The following CNTNAP4 variants were observed in gnomAD, a reference collection of about 807,000 sequenced individuals.
CNTNAP4 encodes contactin-associated protein-like 4.
A neutral mutation model predicts 148.4 loss-of-function variants in CNTNAP4; 98 were observed. The observed-to-expected ratio is 0.66, with a 90% CI of 0.56 to 0.78. The LOEUF (loss-of-function observed/expected upper bound fraction) is 0.78. Among genes scored for constraint, CNTNAP4 ranks in the 30% least tolerant of loss-of-function variants. CNTNAP4 has a pLI of 0.00. For synonymous variants in CNTNAP4, 730 were observed against 565.1 expected (o/e 1.29, Z -4.14); for missense variants, 1,935 against 1,565.6 (o/e 1.24, Z -3.98).
At chr16:76,310,411 A>G (rs1960974689) in intron 1 of CNTNAP4, among the ~76,000 whole-genome samples, 1 of 152,172 alleles carries the variant, frequency 6.6e-6, no homozygotes, top group African/African-American at 2.4e-5. Flanking sequence ...TTTTAACTGG[A>G]TGGAAATTGT....
chr16:76,490,165 GA>G (rs2082162107), intron 13 of CNTNAP4, among the ~76,000 whole-genome samples: 1 of 152,142 alleles, frequency 6.6e-6, no homozygotes, highest in Non-Finnish European at 1.5e-5. Flanking sequence ...GCCTCCTTCT[GA>G]TACTCAGTGA....
chr16:76,466,810 G>A (rs1030146423), intron 9 of CNTNAP4, among the ~76,000 whole-genome samples: 2 of 152,086 alleles, frequency 1.3e-5, no homozygotes, highest in African/African-American at 4.8e-5. Context: ...AAATCCTTGT[G>A]TATGTGGTTC....
intron 3 of CNTNAP4, among the ~76,000 whole-genome samples, chr16:76,421,701 C>A (rs952549655): frequency 3.3e-5 from 5 of 151,996 alleles, no homozygotes; most frequent in Admixed American, 1.3e-4. Context: ...CTGACTATGT[C>A]AAAATGAATT....
chr16:76,379,329 C>G (rs1178740846), intron 3 of CNTNAP4, among the ~76,000 whole-genome samples: 1 of 152,188 alleles, frequency 6.6e-6, no homozygotes, highest in Non-Finnish European at 1.5e-5. Context: ...TACCCCACCT[C>G]CCTACAATCT....
At position 76,490,481 on chromosome 16, in the gene CNTNAP4, C is replaced by T. The variant is rs556554382; in HGVS notation, c.2080+598C>T. 2.6e-5 allele frequency among the ~76,000 whole-genome samples: 4 copies of T among 151,962 alleles called. No homozygotes were observed. In the South Asian group the frequency reaches 8.3e-4, roughly 32 times the overall value. ...CTTTCTTTAGGGCATCTCATTATGT[C>T]AGAGCCTCTGTTTCCACCACATCTG... is the stretch of plus-strand genomic sequence containing the variant. On this transcript the variant is annotated intron_variant, in intron 13 of 23. Transcript: ENST00000611870.
intron 17 of CNTNAP4, among the ~76,000 whole-genome samples, chr16:76,533,692 A>C (rs1339653429): frequency 6.6e-6 from 1 of 152,038 alleles, no homozygotes. Flanking sequence ...AAAAAATGGC[A>C]GAAGTAAATG....
At chr16:76,307,774 T>C (rs997315080) in intron 1 of CNTNAP4, among the ~76,000 whole-genome samples, 3 of 152,280 alleles carry the variant, frequency 2.0e-5, no homozygotes, top group Admixed American at 1.3e-4. Context: ...ATAGTTGCTA[T>C]TAAACCTCTA....
intron 3 of CNTNAP4, among the ~76,000 whole-genome samples, chr16:76,425,519 G>C (rs1304267453): frequency 6.6e-6 from 1 of 152,088 alleles, no homozygotes; most frequent in Non-Finnish European, 1.5e-5. Flanking sequence ...TAAACAGGCA[G>C]ATAATGATCA....
At chr16:76,535,458 C>G in intron 17 of CNTNAP4, 87 bp from the exon 18 acceptor site, 2 of 1,422,782 alleles carry the variant, frequency 1.4e-6, no homozygotes, top group East Asian at 2.3e-5. Context: ...TTTTGCCGTT[C>G]TCTGTAAGGC....
chr16:76,560,544 G>C lies in CNTNAP4; in HGVS notation c.*1861G>C, dbSNP rs1249869728. Among the ~76,000 whole-genome samples, 1 of 152,160 alleles carries C rather than the reference G, an allele frequency of 6.6e-6. No individual in the cohort carries two copies. Among genetic ancestry groups the C allele is most frequent in the African/African-American group, 2.4e-5 (1 of 41,446 alleles). On this transcript the variant is annotated 3_prime_UTR_variant, in exon 24 of 24. Coordinates refer to ENST00000611870, the MANE Select transcript of CNTNAP4 (RefSeq NM_033401.5). ...TCATTATATCTCTGAATCTTTTGCA[G>C]ATGTTCATGTTATTTAGTAGCGGTA...
At chr16:76,522,916 C>G (rs1370286081) in intron 17 of CNTNAP4, among the ~76,000 whole-genome samples, 1 of 151,580 alleles carries the variant, frequency 6.6e-6, no homozygotes, top group Non-Finnish European at 1.5e-5. Context: ...GTACCTACCA[C>G]TACGCCTGGC....
chr16:76,434,714 T>C (rs972274565), intron 4 of CNTNAP4, among the ~76,000 whole-genome samples: 2 of 152,214 alleles, frequency 1.3e-5, no homozygotes, highest in Non-Finnish European at 2.9e-5. Flanking sequence ...GGCTTCCATT[T>C]GGCCTTTCCC....
At chr16:76,356,520 T>G (rs1276143730) in intron 3 of CNTNAP4, among the ~76,000 whole-genome samples, 1 of 152,172 alleles carries the variant, frequency 6.6e-6, no homozygotes, top group Non-Finnish European at 1.5e-5. Flanking sequence ...TATAAACACC[T>G]GATGGAAGAA....
At chr16:76,379,880 C>A (rs1490949703) in intron 3 of CNTNAP4, among the ~76,000 whole-genome samples, 2 of 152,178 alleles carry the variant, frequency 1.3e-5, no homozygotes, top group Admixed American at 1.3e-4. Context: ...GATTTCTCTA[C>A]TCTTAAGTTC....
chr16:76,354,210 T>C lies in CNTNAP4; in HGVS notation c.197-1108T>C, dbSNP rs529974452. ...AAACCCTATTTCGTAACTTTTACAA[T>C]GATTATATGTTACTTACATAATCAG... On this transcript the variant is annotated intron_variant, in intron 2 of 23. Coordinates refer to ENST00000611870, the MANE Select transcript of CNTNAP4 (RefSeq NM_033401.5). Among the ~76,000 whole-genome samples the C allele has an allele frequency of 2.6e-5, 4 of 152,322 alleles. No homozygotes were observed. The East Asian group carries it at 7.7e-4, about 29-fold the overall frequency.
chr16:76,438,864 C>G (rs1000946050), intron 4 of CNTNAP4, among the ~76,000 whole-genome samples: 1 of 152,158 alleles, frequency 6.6e-6, no homozygotes. Context: ...GTTCAAAACT[C>G]TCCTGTAACC....
chr16:76,446,802 G>A (rs777358483), intron 4 of CNTNAP4, among the ~76,000 whole-genome samples: 2 of 152,152 alleles, frequency 1.3e-5, no homozygotes, highest in Non-Finnish European at 2.9e-5. Flanking sequence ...TCTATGCTAT[G>A]TGTGTATATT....
chr16:76,534,309 G>A (rs1474224907), intron 17 of CNTNAP4, among the ~76,000 whole-genome samples: 1 of 152,164 alleles, frequency 6.6e-6, no homozygotes, highest in African/African-American at 2.4e-5. Context: ...TTGAATGAAG[G>A]CTAGGTTAAG....
At chr16:76,348,020 A>G (rs1597274177) in intron 2 of CNTNAP4, among the ~76,000 whole-genome samples, 1 of 152,246 alleles carries the variant, frequency 6.6e-6, no homozygotes, top group African/African-American at 2.4e-5. Flanking sequence ...AGAGAGACTT[A>G]CTAGGTGACT....
Sources: gnomAD v4.1 joint callset for allele counts (sites outside exome capture counted in the v4.1 genomes callset) on GRCh38, gnomAD v4.1.1 for gene constraint, MANE v1.5 for transcripts, NCBI Gene and HGNC (gene_info 2026-07-23, HGNC 2026-07-21) for gene names.